The following CLVS1 variants were observed in gnomAD, a reference collection of about 807,000 sequenced individuals.
CLVS1 encodes the protein clavesin 1.
Under a neutral mutation model 33.1 loss-of-function variants are expected in CLVS1, and 10 were observed. The ratio of observed to expected loss-of-function variants is 0.30; its 90% CI spans 0.19 to 0.51. The LOEUF (loss-of-function observed/expected upper bound fraction) is 0.51. CLVS1 is among the 20% of genes least tolerant of loss of function. CLVS1 has a pLI of 0.97. For synonymous variants in CLVS1, 163 were observed against 166.1 expected, an observed-to-expected ratio of 0.98 and a Z score of 0.14; for missense variants, 343 against 433.4, an observed-to-expected ratio of 0.79 and a Z score of 1.85.
intron 3 of CLVS1, among the ~76,000 whole-genome samples, chr8:61,406,018 C>T (rs1814972425): frequency 6.6e-6 from 1 of 152,170 alleles, no homozygotes; most frequent in African/African-American, 2.4e-5. Context: ...AGGTGCCTGA[C>T]ATGTATTAAC....
intron 5 of CLVS1, among the ~76,000 whole-genome samples, chr8:61,475,279 C>A (rs574715868): frequency 6.6e-6 from 1 of 152,310 alleles, no homozygotes; most frequent in Non-Finnish European, 1.5e-5. Flanking sequence ...GTCTTTATAG[C>A]AGCATGATTT....
chr8:61,138,359 G>A (rs1045453773), intron 2 of CLVS1, among the ~76,000 whole-genome samples: 1 of 152,238 alleles, frequency 6.6e-6, no homozygotes, highest in Non-Finnish European at 1.5e-5. Flanking sequence ...ATAAGGCTGA[G>A]TTAGGCTGTG....
the CLVS1 span, among the ~76,000 whole-genome samples, chr8:61,047,954 A>T: frequency 1.2e-4 from 12 of 100,692 alleles, no homozygotes; most frequent in African/African-American, 7.4e-4. Flanking sequence ...ATAATAAAAT[A>T]AAAAAAATTC....
intron 3 of CLVS1, among the ~76,000 whole-genome samples, chr8:61,437,410 A>C (rs1816370975): frequency 6.6e-6 from 1 of 152,378 alleles, no homozygotes; most frequent in East Asian, 1.9e-4. Flanking sequence ...CTGTCTTAAA[A>C]GAATCCTCCG....
intron 2 of CLVS1, chr8:61,131,943 G>A (rs1806107013): frequency 6.6e-6 from 1 of 152,226 alleles, no homozygotes; most frequent in South Asian, 2.1e-4. Flanking sequence ...ATTAATGGAG[G>A]CTCTTCCCCT....
chr8:61,443,839 A>G (rs1383425459), intron 3 of CLVS1, among the ~76,000 whole-genome samples: 1 of 152,178 alleles, frequency 6.6e-6, no homozygotes, highest in Non-Finnish European at 1.5e-5. Flanking sequence ...GAGGGGAATT[A>G]ACATATATAT....
chr8:61,119,308 G>A (rs1477933612), intron 1 of CLVS1, among the ~76,000 whole-genome samples: 2 of 151,780 alleles, frequency 1.3e-5, no homozygotes, highest in Admixed American at 6.6e-5. Context: ...CACACTGATG[G>A]GTCTTGACTC....
At chr8:61,383,838 A>G (rs1435805393) in intron 3 of CLVS1, among the ~76,000 whole-genome samples, 2 of 152,204 alleles carry the variant, frequency 1.3e-5, no homozygotes, top group East Asian at 1.9e-4. Flanking sequence ...TGATTCATCC[A>G]TTTAGGAAGC....
the CLVS1 span, among the ~76,000 whole-genome samples, chr8:61,020,082 C>T: frequency 6.6e-6 from 1 of 152,182 alleles, no homozygotes. Context: ...TTGGCAGGAA[C>T]CATCACTGCC....
At chr8:61,061,710 G>T (rs1804586824) in intron 1 of CLVS1, among the ~76,000 whole-genome samples, 1 of 151,498 alleles carries the variant, frequency 6.6e-6, no homozygotes, top group African/African-American at 2.4e-5. Flanking sequence ...ATCAGAATGT[G>T]GAGCTCCTGT....
chr8:61,293,389 A>G (rs960634276), intron 1 of CLVS1, among the ~76,000 whole-genome samples: 2 of 152,158 alleles, frequency 1.3e-5, no homozygotes, highest in African/African-American at 4.8e-5. Flanking sequence ...CCTACAAACC[A>G]TAATGGCCAA....
intron 1 of CLVS1, among the ~76,000 whole-genome samples, chr8:61,095,786 C>T (rs1218662688): frequency 6.6e-6 from 1 of 152,104 alleles, no homozygotes; most frequent in Non-Finnish European, 1.5e-5. Flanking sequence ...TGCCTTAAGA[C>T]GTTTATCCTG....
At chr8:61,203,265 T>C (rs1267454522) in intron 2 of CLVS1, 4 of 901,514 alleles carry the variant, frequency 4.4e-6, no homozygotes, top group African/African-American at 3.3e-5. Context: ...ATTTTCCGTC[T>C]TATTTCATTT....
chr8:61,352,672 T>C (rs998047548), intron 2 of CLVS1, among the ~76,000 whole-genome samples: 12 of 152,028 alleles, frequency 7.9e-5, no homozygotes, highest in African/African-American at 2.9e-4. Context: ...AATTGCATAA[T>C]GATAAATGGA....
At chr8:61,388,221 T>G (rs1163841617) in intron 3 of CLVS1, among the ~76,000 whole-genome samples, 1 of 151,658 alleles carries the variant, frequency 6.6e-6, no homozygotes, top group Non-Finnish European at 1.5e-5. Context: ...GTCACTATCT[T>G]GACTTTCAAA....
At chr8:61,219,496 G>A (rs1808164499) in intron 2 of CLVS1, among the ~76,000 whole-genome samples, 1 of 152,140 alleles carries the variant, frequency 6.6e-6, no homozygotes, top group Admixed American at 6.5e-5. Flanking sequence ...TTTTACAGCT[G>A]CATAGTAGTC....
Position 61,309,476 on chromosome 8 carries a change from T to C in CLVS1, c.455+9194T>C, listed in dbSNP as rs180760012. Among the ~76,000 whole-genome samples, 195 of 152,288 alleles carry C rather than the reference T, an allele frequency of 1.3e-3. 1 individual carries two copies. The highest frequency in any genetic ancestry group is 3.4e-3 in the Middle Eastern group (1 of 294). ...CCTCAGGCATTAAATGATGAAAAAA[T>C]GAATGTTACTAGGATATTTGACCTT... On this transcript the variant is annotated intron_variant, in intron 2 of 5. Transcript: ENST00000325897.
At chr8:61,366,399 GT>G (rs2129600592) in intron 2 of CLVS1, among the ~76,000 whole-genome samples, 1 of 152,302 alleles carries the variant, frequency 6.6e-6, no homozygotes, top group Non-Finnish European at 1.5e-5. Flanking sequence ...TTAACCTTAT[GT>G]GAATGCAGGC....
intron 2 of CLVS1, among the ~76,000 whole-genome samples, chr8:61,197,032 T>C (rs1037104587): frequency 6.6e-6 from 1 of 152,202 alleles, no homozygotes; most frequent in Non-Finnish European, 1.5e-5. Context: ...GCAACCTTTC[T>C]CAATCAGGGG....
Sources: gnomAD v4.1 joint callset for allele counts (sites outside exome capture counted in the v4.1 genomes callset) on GRCh38, gnomAD v4.1.1 for gene constraint, MANE v1.5 for transcripts, NCBI Gene and HGNC (gene_info 2026-07-23, HGNC 2026-07-21) for gene names.